The following EYS variants were observed in gnomAD, a reference collection of about 807,000 sequenced individuals.
EYS encodes EGF-like photoreceptor maintenance factor.
EYS carries 250 observed loss-of-function variants against 282.1 expected under a neutral mutation model. The ratio of observed to expected loss-of-function variants is 0.89; its 90% CI spans 0.80 to 0.98. The LOEUF (loss-of-function observed/expected upper bound fraction) is 0.98, where lower values mean the gene tolerates loss of function less well. Ranked by LOEUF, EYS falls within the 50% of genes least tolerant of loss-of-function variation. The probability of loss-of-function intolerance (pLI) is 0.00; values close to 1 mark genes in which losing one functional copy is unlikely to be tolerated. For missense variants in EYS, 4,016 were observed against 3,709.0 expected (o/e 1.08, Z -2.15); for synonymous variants, 1,355 against 1,282.9 (o/e 1.06, Z -1.20).
intron 22 of EYS, among the ~76,000 whole-genome samples, chr6:64,648,232 C>A (rs1447018660): frequency 6.6e-6 from 1 of 152,154 alleles, no homozygotes; most frequent in African/African-American, 2.4e-5. Context: ...TCCTTGCCCT[C>A]CCCCTGGTCT....
chr6:64,032,239 C>T (rs139431808), intron 33 of EYS, among the ~76,000 whole-genome samples: 163 of 152,212 alleles, frequency 1.1e-3, no homozygotes, highest in Middle Eastern at 3.4e-3. Context: ...AAACTCCCGA[C>T]GCACCACCTT....
chr6:65,372,201 G>A (rs1406353829), intron 8 of EYS, among the ~76,000 whole-genome samples: 7 of 151,854 alleles, frequency 4.6e-5, no homozygotes, highest in Admixed American at 3.9e-4. Flanking sequence ...TGCAAAAGAA[G>A]AGAATCAAAG....
intron 40 of EYS, among the ~76,000 whole-genome samples, chr6:63,766,898 C>T (rs1769803131): frequency 6.6e-6 from 1 of 151,928 alleles, no homozygotes. Flanking sequence ...CTTTTATAAG[C>T]TTTATTCCTG....
intron 5 of EYS, among the ~76,000 whole-genome samples, chr6:65,487,043 G>C (rs1195700569): frequency 6.6e-6 from 1 of 152,162 alleles, no homozygotes; most frequent in Non-Finnish European, 1.5e-5. Context: ...AGACTTTGCT[G>C]AAGTTCCTTA....
chr6:64,340,534 C>T (rs184165541), intron 29 of EYS, among the ~76,000 whole-genome samples: 1 of 151,974 alleles, frequency 6.6e-6, no homozygotes, highest in East Asian at 1.9e-4. Context: ...AAGAATGGAA[C>T]TGGACCCTTA....
chr6:63,948,535 G>A (rs988722134), intron 35 of EYS, among the ~76,000 whole-genome samples: 1 of 152,190 alleles, frequency 6.6e-6, no homozygotes, highest in African/African-American at 2.4e-5. Context: ...CAGACAGCTT[G>A]AAAGAAAGCA....
At chr6:65,169,473 A>T (rs1044022542) in intron 12 of EYS, among the ~76,000 whole-genome samples, 1 of 151,552 alleles carries the variant, frequency 6.6e-6, no homozygotes, top group African/African-American at 2.4e-5. Context: ...TTTACATTTT[A>T]ATTAGAGATA....
At chr6:64,522,813 A>G (rs1582849904) in intron 26 of EYS, among the ~76,000 whole-genome samples, 2 of 151,930 alleles carry the variant, frequency 1.3e-5, no homozygotes. Context: ...AAAGGAAAGT[A>G]CAAAATATCA....
At chr6:64,034,561 A>G (rs1770019606) in intron 33 of EYS, among the ~76,000 whole-genome samples, 1 of 152,164 alleles carries the variant, frequency 6.6e-6, no homozygotes. Context: ...AGAGACTCAA[A>G]AAATAACAGT....
chr6:63,989,140 C>T (rs1320031302), intron 34 of EYS, among the ~76,000 whole-genome samples: 2 of 151,476 alleles, frequency 1.3e-5, no homozygotes, highest in Admixed American at 6.6e-5. Context: ...ATATACTTTT[C>T]GGTTAAGATG....
chr6:64,624,562 C>T (rs9345318), intron 23 of EYS, among the ~76,000 whole-genome samples: 3,233 of 152,084 alleles, frequency 0.021, 65 homozygotes, highest in East Asian at 0.099. Context: ...ATTTTATGTA[C>T]GGCTGGCTAT....
intron 33 of EYS, among the ~76,000 whole-genome samples, chr6:64,022,286 T>G (rs1769228120): frequency 6.6e-6 from 1 of 152,184 alleles, no homozygotes; most frequent in Admixed American, 6.5e-5. Context: ...AACCTGAGAA[T>G]AAATAAGAGG....
rs1172852524 is a variant in EYS, at chr6:63,864,214, A to C, written c.7200T>G (p.Tyr2400Ter). Residue 2400 changes from tyrosine to a stop codon, truncating the protein, a stop_gained, in exon 36 of 43, where the codon TAT becomes TAG. Transcript: ENST00000503581. LOFTEE classifies it high-confidence loss of function. The stretch of plus-strand genomic sequence containing the variant: ...CAGTGCAGAGGGGTCCAGACCTCCC[A>C]TATGGGCAGAGGCAGACAATATCTG... The part of the protein sequence containing the change: ...SGTDIVCLCP[Y>*]GRSGPLCTDA... The C allele has an allele frequency of 6.5e-7, 1 of 1,546,884 alleles. No homozygotes were observed. The highest frequency in any genetic ancestry group is 8.7e-7 in the Non-Finnish European group (1 of 1,143,924).
At chr6:65,460,933 A>G (rs1764807142) in intron 5 of EYS, among the ~76,000 whole-genome samples, 1 of 152,134 alleles carries the variant, frequency 6.6e-6, no homozygotes, top group Non-Finnish European at 1.5e-5. Context: ...TTACTAAATG[A>G]TCCATAATAT....
At position 64,590,606 on chromosome 6, in the gene EYS, G is replaced by A. The variant is rs926336698; in HGVS notation, c.5261C>T (p.Pro1754Leu). The A allele has an allele frequency of 4.5e-6, 7 of 1,551,064 alleles. No individual in the cohort carries two copies. Among genetic ancestry groups the A allele is most frequent in the African/African-American group, 2.7e-5 (2 of 72,982 alleles). The part of the protein sequence containing the change: ...LDFELNLQIY[P>L]DVTLKTYSEI... ...TGAATATGTCTTTAAAGTAACATCC[G>A]GATAAATTTGTAAGTTTAACTCAAA... The change falls in exon 26 of 43, where the codon CCG (proline) becomes CTG (leucine). Residue 1754 changes from proline (P) to leucine (L), a missense_variant. Pro to Leu is a moderately conservative substitution (Grantham distance 98). Coordinates refer to ENST00000503581, the MANE Select transcript of EYS (RefSeq NM_001142800.2).
At chr6:65,679,302 G>C (rs952951412) in intron 1 of EYS, among the ~76,000 whole-genome samples, 1 of 151,906 alleles carries the variant, frequency 6.6e-6, no homozygotes, top group African/African-American at 2.4e-5. Flanking sequence ...ATGTGTATGT[G>C]TATGTGTGTG....
chr6:64,394,688 A>T (rs1201063128), intron 28 of EYS, among the ~76,000 whole-genome samples: 1 of 151,892 alleles, frequency 6.6e-6, no homozygotes, highest in Non-Finnish European at 1.5e-5. Flanking sequence ...CTAGAAGAAA[A>T]CCTGGGCATT....
At chr6:64,298,933 C>G (rs1769132843) in intron 30 of EYS, among the ~76,000 whole-genome samples, 1 of 151,826 alleles carries the variant, frequency 6.6e-6, no homozygotes, top group Non-Finnish European at 1.5e-5. Flanking sequence ...AATGTTAAAA[C>G]CAAAGAAGGA....
At chr6:64,011,381 G>T (rs1298991634) in intron 33 of EYS, among the ~76,000 whole-genome samples, 1 of 152,182 alleles carries the variant, frequency 6.6e-6, no homozygotes, top group South Asian at 2.1e-4. Flanking sequence ...ATAGAAAATT[G>T]TCTTTAATTT....
Sources: allele counts gnomAD v4.1 joint callset (sites outside exome capture counted in the v4.1 genomes callset), GRCh38; gene constraint gnomAD v4.1.1; transcripts MANE v1.5; gene names NCBI Gene and HGNC (gene_info 2026-07-23, HGNC 2026-07-21).